TSC2: variants seen among roughly 807,000 people sequenced by gnomAD.
TSC2 encodes the protein TSC complex subunit 2.
Under a neutral mutation model 202.2 loss-of-function variants are expected in TSC2, and 29 were observed. The observed-to-expected ratio is 0.14, with a 90% CI of 0.11 to 0.20. The LOEUF is 0.20. Ranked by LOEUF, TSC2 falls within the 10% of genes least tolerant of loss-of-function variation. The pLI is 1.00. For synonymous variants in TSC2, 1,349 were observed against 1,044.0 expected, an observed-to-expected ratio of 1.29 and a Z score of -5.63; for missense variants, 2,429 against 2,420.0, an observed-to-expected ratio of 1.00 and a Z score of -0.08.
chr16:2,056,582 T>C, intron 7 of TSC2, 62 bp from the exon 8 acceptor site: 2 of 1,591,536 alleles, frequency 1.3e-6, no homozygotes, highest in Non-Finnish European at 1.7e-6. Context: ...GAAGCCTGGG[T>C]GTCCTCTCCT....
Position 2,079,452 on chromosome 16 carries a change from G to A in TSC2, c.3284+24G>A, listed in dbSNP as rs369793316. ...AGGTGACTGCACCTTCCTTTCCTCC[G>A]CGCCTGCCAGCCTCGACACCGGCTG... is the stretch of plus-strand genomic sequence containing the variant. On this transcript the variant is annotated intron_variant, in intron 28 of 41. Transcript: ENST00000219476. The surrounding 1 kb of genome is among the most constrained non-coding windows in gnomAD (Gnocchi z 4.6). The A allele has an allele frequency of 1.1e-5, 18 of 1,611,090 alleles. No individual in the cohort carries two copies. The highest frequency in any genetic ancestry group is 4.0e-5 in the African/African-American group (3 of 74,802).
chr16:2,071,766 C>G lies in TSC2; in HGVS notation c.1947-18C>G, dbSNP rs1225503186. Reference sequence around the variant, plus strand: ...TGCTGCGGGGACTTGGCCTCAGCTGCTTCTCTTGCTTCTGCAGGGAGCCAG... The same window carrying G: ...TGCTGCGGGGACTTGGCCTCAGCTGGTTCTCTTGCTTCTGCAGGGAGCCAG... On this transcript the variant is annotated intron_variant, in intron 18 of 41. Transcript: ENST00000219476. The G allele has an allele frequency of 2.5e-6, 4 of 1,603,592 alleles. No homozygotes were observed. In the South Asian group the frequency reaches 4.5e-5, roughly 18 times the overall value.
chr16:2,081,894 C>T (rs1596401458), intron 31 of TSC2, 96 bp downstream of exon 31: 2 of 1,506,550 alleles, frequency 1.3e-6, no homozygotes, highest in East Asian at 2.4e-5. Context: ...AGGGCGCCCA[C>T]ACGGCTGGGA....
At chr16:2,069,739 C>T (rs2087963551) in intron 16 of TSC2, among the ~76,000 whole-genome samples, 1 of 152,172 alleles carries the variant, frequency 6.6e-6, no homozygotes, top group Non-Finnish European at 1.5e-5. Context: ...CTCGGCTTCC[C>T]AAAGTGCTGG....
chr16:2,069,025 G>A (rs1026023976), intron 16 of TSC2, among the ~76,000 whole-genome samples: 2 of 152,164 alleles, frequency 1.3e-5, no homozygotes, highest in African/African-American at 2.4e-5. Flanking sequence ...TTGCTCTCTC[G>A]GGTGGGAGAG....
intron 3 of TSC2, among the ~76,000 whole-genome samples, chr16:2,051,682 C>T (rs2085147830): frequency 1.3e-5 from 2 of 152,184 alleles, no homozygotes; most frequent in Admixed American, 6.5e-5. Context: ...CTCTCATGCT[C>T]AGATCTGCTA....
intron 14 of TSC2, 88 bp from the exon 15 acceptor site, chr16:2,064,184 T>G (rs569033064): frequency 1.9e-5 from 30 of 1,600,952 alleles, no homozygotes; most frequent in Non-Finnish European, 2.4e-5. Flanking sequence ...GTCCGCTGCT[T>G]GCGGGTCGGT....
At position 2,065,474 on chromosome 16, in the gene TSC2, T is replaced by G. The variant is rs369678551; in HGVS notation, c.1600-45T>G. ...AGAAAGTGTTCTCACGGCTGCTGAC[T>G]CAGAACCATGAGCCTGTGTGTAAGT... On this transcript the variant is annotated intron_variant, in intron 15 of 41. Transcript: ENST00000219476. 31 of 1,117,826 alleles carry G rather than the reference T, an allele frequency of 2.8e-5. 1 individual carries two copies. In the African/African-American group the frequency reaches 4.8e-4, roughly 17 times the overall value. The allele number at this position is 1,117,826 out of a possible 1,614,324, so 69.2% of individuals were successfully genotyped here.
Position 2,053,380 on chromosome 16 carries a change from G to C in TSC2, c.264G>C (p.Leu88=), listed in dbSNP as rs1466279830. 1 of 1,592,408 alleles carries C rather than the reference G, an allele frequency of 6.3e-7. No individual in the cohort carries two copies. The highest frequency in any genetic ancestry group is 8.5e-7 in the Non-Finnish European group (1 of 1,170,486). ...VEALWKAVAD[L]LQPERPLEAR... ...CACTCTGGAAGGCGGTCGCGGATCT[G>C]TTGCAGCCGGAGCGGCCGCTGGAGG... Residue 88 remains leucine (L), a synonymous_variant, in exon 4 of 42, where the codon CTG becomes CTC. Transcript: ENST00000219476.
intron 17 of TSC2, among the ~76,000 whole-genome samples, chr16:2,070,847 G>C (rs116085243): frequency 3.1e-4 from 47 of 152,254 alleles, no homozygotes; most frequent in Non-Finnish European, 4.6e-4. Flanking sequence ...TTCCGGGGCA[G>C]TGCATGGCCC....
intron 32 of TSC2, chr16:2,083,087 T>G (rs1289632877): frequency 2.2e-6 from 1 of 454,886 alleles, no homozygotes; most frequent in African/African-American, 2.0e-5. Context: ...GGTGGCTGAC[T>G]GCGCGTGTGC....
intron 17 of TSC2, 99 bp from the exon 18 acceptor site, chr16:2,071,411 G>A: frequency 8.0e-7 from 1 of 1,255,356 alleles, no homozygotes; most frequent in East Asian, 2.5e-5. Context: ...CCTTTTCTGA[G>A]TGCCTGTGGT....
At chr16:2,068,926 T>G (rs2087800526) in intron 16 of TSC2, 1 of 151,376 alleles carries the variant, frequency 6.6e-6, no homozygotes, top group South Asian at 2.1e-4. Context: ...TTCCTGTTCC[T>G]TAAGTGGAAG....
In TSC2 at chr16:2,062,887, G is replaced by A. The variant is rs531115622; in HGVS notation, c.1362-85G>A. Reference sequence around the variant, plus strand: ...CCTGGCCGCGGGAGGACCCAGAGTCGGGCTGGCCTGCGCCAGGCAGACGGG... The same window carrying A: ...CCTGGCCGCGGGAGGACCCAGAGTCAGGCTGGCCTGCGCCAGGCAGACGGG... On this transcript the variant is annotated intron_variant, in intron 13 of 41. Transcript: ENST00000219476. The A allele has an allele frequency of 9.2e-5, 134 of 1,463,540 alleles. 1 individual carries two copies. In the African/African-American group the frequency reaches 1.3e-3, roughly 15 times the overall value. The allele number at this position is 1,463,540 out of a possible 1,614,324, so 90.7% of individuals were successfully genotyped here. A position where few individuals can be genotyped will look rare whatever the true frequency, so the allele number is the denominator to read the frequency against.
At chr16:2,075,525 C>CAAAAA (rs933350142) in intron 22 of TSC2, among the ~76,000 whole-genome samples, 755 of 27,274 alleles carry the variant, frequency 0.028, 76 homozygotes, top group African/African-American at 0.091. Flanking sequence ...AGACTCATCT[C>CAAAAA]AAAAAAAAAA....
intron 7 of TSC2, 51 bp from the exon 8 acceptor site, chr16:2,056,593 G>A (rs374727545): frequency 2.5e-6 from 4 of 1,600,324 alleles, no homozygotes; most frequent in Non-Finnish European, 3.4e-6. Context: ...GTCCTCTCCT[G>A]TGGGGAGGAG....
At chr16:2,056,029 G>A (rs1596274118) in intron 6 of TSC2, 167 bp from the exon 7 acceptor site, 2 of 752,498 alleles carry the variant, frequency 2.7e-6, no homozygotes, top group East Asian at 5.4e-5. Context: ...AGCACCGAGA[G>A]CAGTGGCTGG....
intron 36 of TSC2, 76 bp from the exon 37 acceptor site, chr16:2,086,117 C>A (rs2090752761): frequency 6.4e-7 from 1 of 1,574,492 alleles, no homozygotes; most frequent in Admixed American, 1.7e-5. Flanking sequence ...GCAGAGCCTG[C>A]TGGGCACCCC....
intron 13 of TSC2, 57 bp from the exon 14 acceptor site, chr16:2,062,915 G>A (rs1320826941): frequency 6.5e-7 from 1 of 1,531,110 alleles, no homozygotes; most frequent in African/African-American, 1.4e-5. Flanking sequence ...CAGACGGGCT[G>A]GTGTGGGGCT....
Sources: gnomAD v4.1 joint callset for allele counts (sites outside exome capture counted in the v4.1 genomes callset) on GRCh38, gnomAD v4.1.1 for gene constraint, Gnocchi (gnomAD v3.1) non-coding constraint, MANE v1.5 for transcripts, NCBI Gene and HGNC (gene_info 2026-07-23, HGNC 2026-07-21) for gene names.